TRIM71: variants seen among roughly 807,000 people sequenced by gnomAD.
TRIM71 encodes the protein E3 ubiquitin-protein ligase TRIM71.
TRIM71 carries 9 observed loss-of-function variants against 61.2 expected under a neutral mutation model. The observed-to-expected ratio is 0.15, with a 90% CI of 0.09 to 0.26. TRIM71 has a LOEUF of 0.26. Among genes scored for constraint, TRIM71 ranks in the 10% least tolerant of loss-of-function variants. The probability of loss-of-function intolerance (pLI) is 1.00; values close to 1 mark genes in which losing one functional copy is unlikely to be tolerated. For synonymous variants in TRIM71, 645 were observed against 553.2 expected (o/e 1.17, Z -2.33); for missense variants, 998 against 1,238.7 (o/e 0.81, Z 2.92).
In TRIM71 at chr3:32,847,635, C is replaced by T. The variant is rs530540576; in HGVS notation, c.853-26183C>T. Reference sequence around the variant, plus strand: ...CAGTGCCTGACTTACTGTATCCTTACATTTGGCAAGTACACATTGACTATC... The same window carrying T: ...CAGTGCCTGACTTACTGTATCCTTATATTTGGCAAGTACACATTGACTATC... On this transcript the variant is annotated intron_variant, in intron 1 of 3. Coordinates refer to ENST00000383763, the MANE Select transcript of TRIM71 (RefSeq NM_001039111.3). Among the ~76,000 whole-genome samples the T allele has an allele frequency of 5.3e-5, 8 of 152,358 alleles. No individual in the cohort carries two copies. The South Asian group carries it at 1.2e-3, about 24-fold the overall frequency.
intron 3 of TRIM71, among the ~76,000 whole-genome samples, chr3:32,889,739 G>A (rs1042357768): frequency 6.6e-5 from 10 of 152,022 alleles, no homozygotes; most frequent in Non-Finnish European, 8.8e-5. Context: ...ACAGGCACCT[G>A]TTACCACACT....
intron 1 of TRIM71, among the ~76,000 whole-genome samples, chr3:32,829,974 G>T (rs914394713): frequency 1.4e-5 from 2 of 145,380 alleles, no homozygotes; most frequent in Non-Finnish European, 3.0e-5. Context: ...TGTCGCCCAG[G>T]CTGGAGTACA....
At chr3:32,828,707 C>A (rs1379869848) in intron 1 of TRIM71, among the ~76,000 whole-genome samples, 3 of 151,976 alleles carry the variant, frequency 2.0e-5, no homozygotes, top group Non-Finnish European at 4.4e-5. Context: ...ACCATGTTGC[C>A]CAGGCTTGTG....
At chr3:32,839,668 G>A (rs550032635) in intron 1 of TRIM71, among the ~76,000 whole-genome samples, 4 of 135,050 alleles carry the variant, frequency 3.0e-5, no homozygotes, top group African/African-American at 5.4e-5. Flanking sequence ...TTTTGGGGGG[G>A]GGGTGGGGGT....
At position 32,891,709 on chromosome 3, in the gene TRIM71, C is replaced by T. The variant is rs770593158; in HGVS notation, c.2505C>T (p.Gly835=). ...GSFLCKFGAQ[G]SGFGQMDRPS... Reference sequence around the variant, plus strand: ...TCCTGTGCAAGTTTGGTGCTCAAGGCAGCGGCTTTGGGCAGATGGACCGCC... The same window carrying T: ...TCCTGTGCAAGTTTGGTGCTCAAGGTAGCGGCTTTGGGCAGATGGACCGCC... The change falls in exon 4 of 4, where the codon GGC becomes GGT. Residue 835 remains glycine, a synonymous_variant. Coordinates refer to ENST00000383763, the MANE Select transcript of TRIM71 (RefSeq NM_001039111.3). The surrounding 1 kb of genome is among the most constrained non-coding windows in gnomAD (Gnocchi z 8.2). The T allele has an allele frequency of 1.2e-6, 2 of 1,614,162 alleles. No individual in the cohort carries two copies. Among genetic ancestry groups the T allele is most frequent in the South Asian group, 2.2e-5 (2 of 91,084 alleles).
intron 3 of TRIM71, among the ~76,000 whole-genome samples, chr3:32,888,847 T>C (rs991464217): frequency 2.0e-5 from 3 of 152,210 alleles, no homozygotes; most frequent in Non-Finnish European, 4.4e-5. Context: ...TTTAAGAATA[T>C]GAATCTGTCA....
At chr3:32,865,447 C>T (rs1464557960) in intron 1 of TRIM71, among the ~76,000 whole-genome samples, 1 of 152,186 alleles carries the variant, frequency 6.6e-6, no homozygotes. Flanking sequence ...TCAGGCCACA[C>T]TGATGGCTGT....
At chr3:32,879,800 T>G (rs1213210588) in intron 2 of TRIM71, among the ~76,000 whole-genome samples, 1 of 151,780 alleles carries the variant, frequency 6.6e-6, no homozygotes, top group African/African-American at 2.4e-5. Flanking sequence ...TAGTGAGATC[T>G]TGTCTCTACA....
At chr3:32,871,064 C>G (rs1484064578) in intron 1 of TRIM71, among the ~76,000 whole-genome samples, 1 of 151,872 alleles carries the variant, frequency 6.6e-6, no homozygotes, top group Non-Finnish European at 1.5e-5. Context: ...CCACGTCCAG[C>G]TACTAGAACT....
At chr3:32,847,190 ATTTTTTT>A (rs35654776) in intron 1 of TRIM71, among the ~76,000 whole-genome samples, 7 of 107,112 alleles carry the variant, frequency 6.5e-5, no homozygotes, top group Non-Finnish European at 9.2e-5. Context: ...AGGTCCAGCA[ATTTTTTT>A]TTTTTTTTTT....
intron 1 of TRIM71, among the ~76,000 whole-genome samples, chr3:32,853,557 T>G (rs1423498500): frequency 6.6e-6 from 1 of 152,252 alleles, no homozygotes; most frequent in African/African-American, 2.4e-5. Flanking sequence ...AAGTGCTTCA[T>G]TCCTGCCTGG....
Position 32,890,282 on chromosome 3 carries a change from T to G in TRIM71, c.1156-78T>G. 1 of 1,505,906 alleles carries G rather than the reference T, an allele frequency of 6.6e-7. No individual in the cohort carries two copies. The highest frequency in any genetic ancestry group is 9.0e-7 in the Non-Finnish European group (1 of 1,116,952). The allele number at this position is 1,505,906 out of a possible 1,614,324, so 93.3% of individuals were successfully genotyped here. On this transcript the variant is annotated intron_variant, in intron 3 of 3. Coordinates refer to ENST00000383763, the MANE Select transcript of TRIM71 (RefSeq NM_001039111.3). This position sits in a 1 kb window ranked among gnomAD's most constrained non-coding sequence, Gnocchi z 6.2. ...TGTTTGTCTGATGCTTCCTTGTGAT[T>G]AGTTGTGGCTTATGTGGTATTTTCT... is the stretch of plus-strand genomic sequence containing the variant.
chr3:32,818,953 G>A, intron 1 of TRIM71, 21 bp downstream of exon 1: 11 of 1,607,784 alleles, frequency 6.8e-6, no homozygotes, highest in South Asian at 2.2e-5. Flanking sequence ...GGGGGCGTGT[G>A]TTTGTGTCCA....
Position 32,874,320 on chromosome 3 carries a change from C to CTTA in TRIM71, c.1020+339_1020+341dup, listed in dbSNP as rs542065771. 1.9e-3 allele frequency among the ~76,000 whole-genome samples: 254 copies of CTTA among 133,994 alleles called. 1 individual carries two copies. The East Asian group carries it at 0.045, about 24-fold the overall frequency. 87.9% of individuals were successfully genotyped at this position (133,994 alleles called of 152,430 possible). On this transcript the variant is annotated intron_variant, in intron 2 of 3. Coordinates refer to ENST00000383763, the MANE Select transcript of TRIM71 (RefSeq NM_001039111.3). Reference sequence around the variant, plus strand: ...CTGCAGAAAGGCTGGGTGCTTAATGCTTATTACTACTACTACTACTACTAC... The same window carrying CTTA: ...CTGCAGAAAGGCTGGGTGCTTAATGCTTATTATTACTACTACTACTACTACTAC...
intron 1 of TRIM71, among the ~76,000 whole-genome samples, chr3:32,833,481 T>C (rs1036614521): frequency 2.0e-5 from 3 of 152,042 alleles, no homozygotes; most frequent in African/African-American, 7.2e-5. Context: ...TGGAGGCTGC[T>C]GCTGTTGCAC....
chr3:32,892,027 CT>C lies in TRIM71; in HGVS notation c.*217del. Reference sequence around the variant, plus strand: ...TTACAGATGAATGTACTTATCTTTTCTGCAGGGATTGAGCCTGTGAAGTGAT... The same window carrying C: ...TTACAGATGAATGTACTTATCTTTTCGCAGGGATTGAGCCTGTGAAGTGAT... On this transcript the variant is annotated 3_prime_UTR_variant, in exon 4 of 4. Coordinates refer to ENST00000383763, the MANE Select transcript of TRIM71 (RefSeq NM_001039111.3). The C allele has an allele frequency of 1.6e-6, 1 of 617,758 alleles. No individual in the cohort carries two copies. Among genetic ancestry groups the C allele is most frequent in the Non-Finnish European group, 2.6e-6 (1 of 389,142 alleles). 38.3% of individuals were successfully genotyped at this position (617,758 alleles called of 1,614,324 possible).
intron 1 of TRIM71, 78 bp from the exon 2 acceptor site, chr3:32,873,740 A>C: frequency 1.5e-6 from 2 of 1,344,276 alleles, no homozygotes; most frequent in Non-Finnish European, 2.0e-6. Flanking sequence ...TGTGAGAGCC[A>C]GGGCCCTCCA....
chr3:32,827,878 C>T (rs1206554916), intron 1 of TRIM71, among the ~76,000 whole-genome samples: 2 of 152,160 alleles, frequency 1.3e-5, no homozygotes, highest in Admixed American at 6.5e-5. Context: ...CCATTTTCTT[C>T]TCGTCTTAAC....
chr3:32,873,911 G>A lies in TRIM71; in HGVS notation c.946G>A (p.Glu316Lys). Residue 316 changes from glutamate (E) to lysine (K), a missense_variant, in exon 2 of 4, where the codon GAG (glutamate) becomes AAG (lysine). Physicochemically the swap from Glu to Lys is moderately conservative, Grantham distance 56. Around this residue, in one of 5 missense-constraint regions of TRIM71, gnomAD observed 291 missense variants for 431.2 expected, o/e 0.67. Transcript: ENST00000383763. ...GGGCCACAGCTTCATCTACCTCCAGGAGGCACTGCAGGACTCACGGGCACT... is the reference window on the plus strand; with the variant it reads ...GGGCCACAGCTTCATCTACCTCCAGAAGGCACTGCAGGACTCACGGGCACT... ...HGGHSFIYLQ[E>K]ALQDSRALTI... 1.9e-6 allele frequency: 3 copies of A among 1,613,986 alleles called. No individual in the cohort carries two copies. The highest frequency in any genetic ancestry group is 2.5e-6 in the Non-Finnish European group (3 of 1,179,930).
Sources: allele counts gnomAD v4.1 joint callset (sites outside exome capture counted in the v4.1 genomes callset), GRCh38; gene constraint gnomAD v4.1.1; regional missense constraint gnomAD v4.1.1; non-coding constraint Gnocchi (gnomAD v3.1); transcripts MANE v1.5; gene names NCBI Gene and HGNC (gene_info 2026-07-23, HGNC 2026-07-21).